The following MANBA variants were observed in gnomAD, a reference collection of about 807,000 sequenced individuals.
MANBA encodes mannosidase beta.
Under a neutral mutation model 111.1 loss-of-function variants are expected in MANBA, and 83 were observed. The ratio of observed to expected loss-of-function variants is 0.75; its 90% CI spans 0.63 to 0.90. MANBA has a LOEUF of 0.90. Ranked by LOEUF, MANBA falls within the 40% of genes least tolerant of loss-of-function variation. The probability of loss-of-function intolerance (pLI) is 0.00; values close to 1 mark genes in which losing one functional copy is unlikely to be tolerated. For missense variants in MANBA, 1,036 were observed against 1,069.0 expected (o/e 0.97, Z 0.43); for synonymous variants, 370 against 378.7 (o/e 0.98, Z 0.27).
chr4:102,755,230 G>T (rs1258584810), intron 1 of MANBA, among the ~76,000 whole-genome samples: 1 of 152,096 alleles, frequency 6.6e-6, no homozygotes. Flanking sequence ...ATACTACAAG[G>T]CTACAGTAAC....
intron 5 of MANBA, among the ~76,000 whole-genome samples, chr4:102,700,477 C>T (rs1420549683): frequency 1.3e-5 from 2 of 152,002 alleles, no homozygotes; most frequent in African/African-American, 4.8e-5. Flanking sequence ...ATCTTTCCTG[C>T]TTTCTCTTGT....
At chr4:102,654,390 GTTAA>G (rs1252911046) in intron 12 of MANBA, among the ~76,000 whole-genome samples, 2 of 152,024 alleles carry the variant, frequency 1.3e-5, no homozygotes, top group Admixed American at 6.6e-5. Context: ...ACAATTTTTC[GTTAA>G]TTAATTTTTT....
chr4:102,716,349 T>C (rs928307364), intron 4 of MANBA, among the ~76,000 whole-genome samples: 1 of 124,542 alleles, frequency 8.0e-6, no homozygotes, highest in African/African-American at 3.0e-5. Context: ...TGAGGAAACA[T>C]ATTGAAAGAC....
chr4:102,749,025 A>G (rs918408399), intron 1 of MANBA, among the ~76,000 whole-genome samples: 1 of 152,184 alleles, frequency 6.6e-6, no homozygotes, highest in Non-Finnish European at 1.5e-5. Context: ...CTAGGTTGAT[A>G]GCGGTAGAAA....
intron 1 of MANBA, chr4:102,730,320 C>G: frequency 1.8e-6 from 1 of 546,394 alleles, no homozygotes; most frequent in Non-Finnish European, 3.3e-6. Context: ...TTAGATTTAT[C>G]CACATTTCTC....
At chr4:102,755,079 CA>C (rs1472515549) in intron 1 of MANBA, among the ~76,000 whole-genome samples, 1 of 152,288 alleles carries the variant, frequency 6.6e-6, no homozygotes, top group East Asian at 1.9e-4. Context: ...CCATCCCCAT[CA>C]AGCTACCAAT....
At chr4:102,670,977 T>A (rs1731470478) in intron 9 of MANBA, 1 of 194,446 alleles carries the variant, frequency 5.1e-6, no homozygotes, top group Admixed American at 5.4e-5. Flanking sequence ...CTCCTTTAAG[T>A]GTTTTAAATA....
intron 1 of MANBA, among the ~76,000 whole-genome samples, chr4:102,738,365 T>C (rs1723291432): frequency 6.6e-6 from 1 of 152,210 alleles, no homozygotes; most frequent in South Asian, 2.1e-4. Flanking sequence ...CCCTGCCACC[T>C]CCACTGGAGC....
intron 13 of MANBA, among the ~76,000 whole-genome samples, chr4:102,642,281 C>T (rs976344171): frequency 6.6e-6 from 1 of 152,156 alleles, no homozygotes; most frequent in African/African-American, 2.4e-5. Flanking sequence ...ATCCAGTCCA[C>T]TGTTAGCAGA....
chr4:102,632,155 C>T lies in MANBA; in HGVS notation c.2542G>A (p.Glu848Lys), dbSNP rs536554772. Residue 848 changes from glutamate (E) to lysine (K), a missense_variant, in exon 17 of 17, where the codon GAG becomes AAG. Transcript: ENST00000647097. ...TAAAATAATATAGTTCGTGTCTTCT[C>T]AGTCATGAGGAAACCATTGTCACTA... ...RFSDNGFLMT[E>K]KTRTILFYPW... 66 of 1,613,512 alleles carry T rather than the reference C, an allele frequency of 4.1e-5. 1 individual carries two copies. The East Asian group carries it at 6.9e-4, about 17-fold the overall frequency.
chr4:102,634,684 C>A (rs906598707), intron 16 of MANBA, 104 bp downstream of exon 16: 1 of 1,497,238 alleles, frequency 6.7e-7, no homozygotes, highest in African/African-American at 1.4e-5. Flanking sequence ...AAACTCAGCA[C>A]CAAGGGGGAC....
At chr4:102,633,809 A>G (rs937004924) in intron 16 of MANBA, among the ~76,000 whole-genome samples, 2 of 152,096 alleles carry the variant, frequency 1.3e-5, no homozygotes, top group East Asian at 1.9e-4. Flanking sequence ...AAATATATGT[A>G]AGACTGTCAT....
At chr4:102,634,755 A>G (rs2110188324) in intron 16 of MANBA, 33 bp downstream of exon 16, 1 of 1,612,382 alleles carries the variant, frequency 6.2e-7, no homozygotes, top group African/African-American at 1.3e-5. Flanking sequence ...ACAAGGCCAC[A>G]GTCCCCTGCC....
intron 11 of MANBA, among the ~76,000 whole-genome samples, chr4:102,662,394 G>C (rs1216968486): frequency 6.6e-6 from 1 of 151,876 alleles, no homozygotes; most frequent in Non-Finnish European, 1.5e-5. Flanking sequence ...ACAAAAATTA[G>C]CTGGGTGTGG....
chr4:102,684,363 G>A (rs555749012), intron 7 of MANBA, among the ~76,000 whole-genome samples: 1 of 152,262 alleles, frequency 6.6e-6, no homozygotes, highest in Admixed American at 6.5e-5. Flanking sequence ...AGGAGCCTAG[G>A]CAAGTCTCAT....
At chr4:102,752,481 C>T (rs1723845875) in intron 1 of MANBA, 2 of 753,774 alleles carry the variant, frequency 2.7e-6, no homozygotes, top group Admixed American at 3.5e-5. Context: ...ATAACATTGT[C>T]AAGTTGTGGG....
chr4:102,643,835 G>T (rs1729987216), intron 13 of MANBA, among the ~76,000 whole-genome samples: 1 of 151,968 alleles, frequency 6.6e-6, no homozygotes, highest in Non-Finnish European at 1.5e-5. Flanking sequence ...TTTCATTCTG[G>T]GGATTATCTT....
chr4:102,640,343 T>C (rs1729827147), intron 13 of MANBA, among the ~76,000 whole-genome samples: 1 of 152,232 alleles, frequency 6.6e-6, no homozygotes, highest in South Asian at 2.1e-4. Context: ...TAATTATTTT[T>C]TCTAGTCAAA....
At chr4:102,751,898 T>C (rs1026746699) in intron 1 of MANBA, 8 of 606,626 alleles carry the variant, frequency 1.3e-5, no homozygotes, top group South Asian at 8.4e-5. Context: ...TGGATCCAAC[T>C]ATTCTCTTAT....
Sources: gnomAD v4.1 joint callset for allele counts (sites outside exome capture counted in the v4.1 genomes callset) on GRCh38, gnomAD v4.1.1 for gene constraint, MANE v1.5 for transcripts, NCBI Gene and HGNC (gene_info 2026-07-23, HGNC 2026-07-21) for gene names.